Variants in MYLK observed in about 807,000 individuals in gnomAD.
The protein encoded by MYLK is myosin light chain kinase, smooth muscle.
MYLK carries 106 observed loss-of-function variants against 203.4 expected under a neutral mutation model. The ratio of observed to expected loss-of-function variants is 0.52; its 90% CI spans 0.45 to 0.61. The LOEUF (loss-of-function observed/expected upper bound fraction) is 0.61. Ranked by LOEUF, MYLK falls within the 20% of genes least tolerant of loss-of-function variation. The probability of loss-of-function intolerance (pLI) is 0.00; values close to 1 mark genes in which losing one functional copy is unlikely to be tolerated. For synonymous variants in MYLK, 867 were observed against 959.5 expected (o/e 0.90, Z 1.78); for missense variants, 2,072 against 2,442.3 (o/e 0.85, Z 3.20).
chr3:123,858,487 G>A (rs1577136890), intron 2 of MYLK, among the ~76,000 whole-genome samples: 1 of 152,116 alleles, frequency 6.6e-6, no homozygotes, highest in Non-Finnish European at 1.5e-5. Context: ...GTACAAGGTC[G>A]AGAGGCTACA....
At chr3:123,798,304 G>T (rs1381570469) in intron 3 of MYLK, among the ~76,000 whole-genome samples, 1 of 152,058 alleles carries the variant, frequency 6.6e-6, no homozygotes, top group Non-Finnish European at 1.5e-5. Context: ...TCTCAAATGA[G>T]GTATTTCTTG....
intron 4 of MYLK, among the ~76,000 whole-genome samples, chr3:123,760,601 T>G (rs7633133): frequency 0.88 from 134,217 of 152,128 alleles, 61,517 homozygotes; most frequent in East Asian, 1. Context: ...TGAGGTACCC[T>G]AAACTCCATT....
chr3:123,644,630 A>G (rs2058949848), intron 27 of MYLK: 1 of 152,238 alleles, frequency 6.6e-6, no homozygotes, highest in Non-Finnish European at 1.5e-5. Context: ...TTTAACTTCT[A>G]AAGATAAGAC....
chr3:123,801,162 C>G (rs1228029593), intron 3 of MYLK, among the ~76,000 whole-genome samples: 1 of 152,212 alleles, frequency 6.6e-6, no homozygotes, highest in Non-Finnish European at 1.5e-5. Context: ...ATCACAGCTA[C>G]TAGAAAACTC....
At chr3:123,768,529 C>T (rs2063775768) in intron 4 of MYLK, among the ~76,000 whole-genome samples, 1 of 152,362 alleles carries the variant, frequency 6.6e-6, no homozygotes. Flanking sequence ...CAGGCCACTG[C>T]TGCTCCTGGC....
intron 2 of MYLK, among the ~76,000 whole-genome samples, chr3:123,859,735 AT>A (rs2031728228): frequency 6.6e-6 from 1 of 152,238 alleles, no homozygotes; most frequent in South Asian, 2.1e-4. Context: ...AATAGCCAAA[AT>A]ACATGGAAAC....
intron 3 of MYLK, among the ~76,000 whole-genome samples, chr3:123,804,980 G>A (rs903000258): frequency 5.3e-5 from 8 of 152,112 alleles, no homozygotes; most frequent in Non-Finnish European, 1.0e-4. Context: ...GAGGGGCTGC[G>A]GTGACATGGT....
chr3:123,722,039 T>G, intron 13 of MYLK, 89 bp downstream of exon 13: 1 of 1,517,172 alleles, frequency 6.6e-7, no homozygotes, highest in South Asian at 1.2e-5. Flanking sequence ...TTTGAGCTCA[T>G]GATACCATTT....
chr3:123,690,766 C>T (rs2060629002), intron 19 of MYLK, among the ~76,000 whole-genome samples: 1 of 152,154 alleles, frequency 6.6e-6, no homozygotes, highest in Non-Finnish European at 1.5e-5. Flanking sequence ...GTTATCTCAG[C>T]TGGGCTCCCT....
At chr3:123,856,733 C>T (rs1436855805) in intron 2 of MYLK, among the ~76,000 whole-genome samples, 1 of 152,018 alleles carries the variant, frequency 6.6e-6, no homozygotes, top group African/African-American at 2.4e-5. Context: ...AAATTGTTTC[C>T]ATATTGCAAA....
chr3:123,666,147 C>T, intron 22 of MYLK, 72 bp downstream of exon 22: 1 of 1,611,736 alleles, frequency 6.2e-7, no homozygotes, highest in Non-Finnish European at 8.5e-7. Context: ...CGGCATTTCT[C>T]ATCCCTTTCG....
chr3:123,727,445 T>G (rs763167077), intron 11 of MYLK, among the ~76,000 whole-genome samples: 1 of 152,242 alleles, frequency 6.6e-6, no homozygotes, highest in Non-Finnish European at 1.5e-5. Flanking sequence ...GCATGTGAAC[T>G]TGGACAAGTC....
rs914628247 is a variant in MYLK, at chr3:123,640,281, C to T, written c.4837+6G>A. The T allele has an allele frequency of 1.9e-6, 3 of 1,613,822 alleles. No individual in the cohort carries two copies. Among genetic ancestry groups the T allele is most frequent in the Non-Finnish European group, 2.5e-6 (3 of 1,179,904 alleles). ...GGTGTCCATGGGAGAGGCAGATGAG[C>T]CTTACCCAGCCTCCTGGCCAGACCA... On this transcript the variant is annotated splice_donor_region_variant and intron_variant, in intron 28 of 33. Coordinates refer to ENST00000360304, the MANE Select transcript of MYLK (RefSeq NM_053025.4). The surrounding 1 kb of genome is among the most constrained non-coding windows in gnomAD (Gnocchi z 4.3).
chr3:123,669,523 A>G (rs924844140), intron 20 of MYLK, among the ~76,000 whole-genome samples: 2 of 151,918 alleles, frequency 1.3e-5, no homozygotes, highest in African/African-American at 4.8e-5. Flanking sequence ...ATTAGTGTTA[A>G]TTTCATGTTT....
intron 13 of MYLK, among the ~76,000 whole-genome samples, chr3:123,712,805 A>G (rs908948202): frequency 6.6e-6 from 1 of 152,186 alleles, no homozygotes; most frequent in Non-Finnish European, 1.5e-5. Flanking sequence ...GGGTAGTTTT[A>G]AAGAGATAAT....
At chr3:123,850,448 AG>A (rs1253769675) in intron 2 of MYLK, among the ~76,000 whole-genome samples, 1 of 152,200 alleles carries the variant, frequency 6.6e-6, no homozygotes, top group African/African-American at 2.4e-5. Context: ...AACTGGTGTG[AG>A]ATGGTATCTC....
At chr3:123,638,565 C>T (rs755887827) in intron 28 of MYLK, among the ~76,000 whole-genome samples, 15 of 152,250 alleles carry the variant, frequency 9.9e-5, no homozygotes, top group Middle Eastern at 3.4e-3. Flanking sequence ...TGTACCCCAC[C>T]GGCAGCTTTA....
chr3:123,626,946 C>T lies in MYLK; in HGVS notation c.5115-5G>A. On this transcript the variant is annotated splice_polypyrimidine_tract_variant and splice_region_variant and intron_variant, in intron 30 of 33. Transcript: ENST00000360304. The stretch of plus-strand genomic sequence containing the variant: ...TGCGTGCAGTCCAGGCGGTTTCTGA[C>T]AGAGGCAGAGATCAGGAGATTTTTG... 5 of 1,614,124 alleles carry T rather than the reference C, an allele frequency of 3.1e-6. No homozygotes were observed. Among genetic ancestry groups the T allele is most frequent in the Non-Finnish European group, 4.2e-6 (5 of 1,179,990 alleles).
chr3:123,799,576 G>T (rs1276563600), intron 3 of MYLK, among the ~76,000 whole-genome samples: 1 of 152,102 alleles, frequency 6.6e-6, no homozygotes, highest in Non-Finnish European at 1.5e-5. Context: ...TCCCAAGCAG[G>T]CTCCGCAGTC....
Sources: gnomAD v4.1 joint callset for allele counts (sites outside exome capture counted in the v4.1 genomes callset) on GRCh38, gnomAD v4.1.1 for gene constraint, Gnocchi (gnomAD v3.1) non-coding constraint, MANE v1.5 for transcripts, NCBI Gene and HGNC (gene_info 2026-07-23, HGNC 2026-07-21) for gene names.